DNAH14: variants seen among roughly 807,000 people sequenced by gnomAD.
DNAH14 encodes dynein axonemal heavy chain 14.
A neutral mutation model predicts 520.9 loss-of-function variants in DNAH14; 478 were observed. The observed-to-expected ratio is 0.92, with a 90% CI of 0.85 to 0.99. DNAH14 has a LOEUF of 0.99. Ranked by LOEUF, DNAH14 falls within the 50% of genes least tolerant of loss-of-function variation. DNAH14 has a pLI of 0.00. For synonymous variants in DNAH14, 1,581 were observed against 1,757.2 expected (o/e 0.90, Z 2.51); for missense variants, 4,831 against 5,234.5 (o/e 0.92, Z 2.38).
At chr1:224,995,017 G>A (rs533217912) in intron 8 of DNAH14, among the ~76,000 whole-genome samples, 6 of 152,108 alleles carry the variant, frequency 3.9e-5, no homozygotes, top group East Asian at 3.9e-4. Flanking sequence ...ATCCACTGAC[G>A]AATTATTTTA....
intron 43 of DNAH14, among the ~76,000 whole-genome samples, chr1:225,251,134 T>C (rs2092531734): frequency 6.6e-6 from 1 of 151,988 alleles, no homozygotes; most frequent in South Asian, 2.1e-4. Context: ...GATTATACAC[T>C]AAAATGGATG....
At chr1:225,310,698 T>C (rs1339511035) in intron 60 of DNAH14, among the ~76,000 whole-genome samples, 1 of 152,152 alleles carries the variant, frequency 6.6e-6, no homozygotes, top group Non-Finnish European at 1.5e-5. Context: ...ATATGCAGTG[T>C]TTGGTTTTCT....
intron 17 of DNAH14, 147 bp downstream of exon 17, chr1:225,051,942 A>G (rs1357442652): frequency 1.7e-6 from 1 of 597,316 alleles, no homozygotes; most frequent in African/African-American, 1.9e-5. Flanking sequence ...TAAATATTAT[A>G]CTCAGAAAAT....
chr1:225,249,683 A>G (rs1238527858), intron 43 of DNAH14, among the ~76,000 whole-genome samples: 1 of 152,230 alleles, frequency 6.6e-6, no homozygotes, highest in Admixed American at 6.5e-5. Context: ...TGGTGCAACC[A>G]TCACCATACA....
intron 8 of DNAH14, among the ~76,000 whole-genome samples, chr1:224,981,572 G>A (rs1353729185): frequency 5.3e-5 from 8 of 152,058 alleles, no homozygotes; most frequent in Non-Finnish European, 7.4e-5. Flanking sequence ...GTTTCTATGC[G>A]TAAAGGTATT....
intron 65 of DNAH14, among the ~76,000 whole-genome samples, chr1:225,332,409 T>C (rs1425485995): frequency 1.2e-4 from 19 of 152,034 alleles, no homozygotes; most frequent in Admixed American, 1.2e-3. Context: ...AACAGAGGGC[T>C]CTTGCTTAAC....
chr1:225,027,224 C>A (rs1352936929), intron 11 of DNAH14, among the ~76,000 whole-genome samples: 2 of 151,920 alleles, frequency 1.3e-5, no homozygotes, highest in Non-Finnish European at 2.9e-5. Context: ...ACTTCTTTAC[C>A]AATCTGATAC....
chr1:225,364,975 G>A (rs1410891488), intron 76 of DNAH14, 81 bp downstream of exon 76: 3 of 1,021,312 alleles, frequency 2.9e-6, no homozygotes, highest in Non-Finnish European at 4.2e-6. Flanking sequence ...AAAACTCTGA[G>A]TTTAAAAGAG....
chr1:225,105,583 A>T (rs991122783), intron 23 of DNAH14, among the ~76,000 whole-genome samples: 1 of 152,210 alleles, frequency 6.6e-6, no homozygotes, highest in Non-Finnish European at 1.5e-5. Flanking sequence ...TATTGGGTGC[A>T]TATATATTTA....
At chr1:224,979,341 C>G (rs1490316181) in intron 8 of DNAH14, among the ~76,000 whole-genome samples, 1 of 152,124 alleles carries the variant, frequency 6.6e-6, no homozygotes, top group African/African-American at 2.4e-5. Context: ...GAGTGCAGTG[C>G]TTGTGGGACT....
chr1:225,305,822 TA>T (rs2094229204), intron 58 of DNAH14, among the ~76,000 whole-genome samples: 1 of 152,194 alleles, frequency 6.6e-6, no homozygotes, highest in African/African-American at 2.4e-5. Flanking sequence ...AATTGTTTTT[TA>T]AAAATAGCCC....
chr1:225,100,842 A>G lies in DNAH14; in HGVS notation c.3825A>G (p.Gln1275=), dbSNP rs2075383305. 1.3e-6 allele frequency: 2 copies of G among 1,530,980 alleles called. No individual in the cohort carries two copies. The highest frequency in any genetic ancestry group is 1.3e-5 in the South Asian group (1 of 78,772). The allele number at this position is 1,530,980 out of a possible 1,614,324, so 94.8% of individuals were successfully genotyped here. A position where few individuals can be genotyped will look rare whatever the true frequency, so the allele number is the denominator to read the frequency against. Residue 1275 remains glutamine, a synonymous_variant, in exon 23 of 86, where the codon CAA becomes CAG. Transcript: ENST00000682510. ...TTSAGVLEIL[Q]NCNIHLEHIK... is the part of the protein sequence containing the mutation. The stretch of plus-strand genomic sequence containing the variant: ...CTGCAGGAGTCCTTGAAATTCTGCA[A>G]AATTGTAATATACATCTTGAACATA...
At chr1:225,140,369 G>T (rs1444290900) in intron 27 of DNAH14, among the ~76,000 whole-genome samples, 1 of 152,144 alleles carries the variant, frequency 6.6e-6, no homozygotes, top group Non-Finnish European at 1.5e-5. Flanking sequence ...AATAACAGAA[G>T]TCTGTAAACT....
intron 1 of DNAH14, among the ~76,000 whole-genome samples, chr1:224,930,985 T>C (rs1420274338): frequency 2.0e-5 from 3 of 152,198 alleles, no homozygotes; most frequent in Non-Finnish European, 4.4e-5. Context: ...GCTGGTCCTT[T>C]AGGAGATATT....
At chr1:225,223,554 G>A (rs2090254224) in intron 41 of DNAH14, among the ~76,000 whole-genome samples, 1 of 152,178 alleles carries the variant, frequency 6.6e-6, no homozygotes, top group African/African-American at 2.4e-5. Flanking sequence ...CTGGCAAATG[G>A]AGACTTTTGC....
In DNAH14 at chr1:225,043,276, GAAAAA is replaced by G. The variant is rs10671374; in HGVS notation, c.1768+179_1768+183del. Among the ~76,000 whole-genome samples the G allele has an allele frequency of 1.0e-3, 103 of 98,164 alleles. 1 individual carries two copies. The highest frequency in any genetic ancestry group is 3.7e-3 in the African/African-American group (99 of 26,442). 64.4% of individuals were successfully genotyped at this position (98,164 alleles called of 152,430 possible). On this transcript the variant is annotated intron_variant, in intron 13 of 85. Coordinates refer to ENST00000682510, the MANE Select transcript of DNAH14 (RefSeq NM_001367479.1). ...GAGACCTTGTCTCTTGTCTCTTGGG[GAAAAA>G]AAAAAAAAAAAAAAAAGAATGGAGG...
chr1:224,935,459 A>G (rs984851334), intron 1 of DNAH14, among the ~76,000 whole-genome samples: 1 of 151,930 alleles, frequency 6.6e-6, no homozygotes, highest in Non-Finnish European at 1.5e-5. Flanking sequence ...ACAGACTTTA[A>G]GTCAAGAATA....
intron 8 of DNAH14, among the ~76,000 whole-genome samples, chr1:224,988,209 T>C (rs1329992176): frequency 6.6e-6 from 1 of 152,202 alleles, no homozygotes; most frequent in Admixed American, 6.5e-5. Flanking sequence ...GCTCCATCCA[T>C]GTCCCTGCAA....
chr1:224,953,696 T>G (rs2060327861), intron 2 of DNAH14, among the ~76,000 whole-genome samples: 1 of 152,176 alleles, frequency 6.6e-6, no homozygotes, highest in Non-Finnish European at 1.5e-5. Context: ...TGAGTGGGCA[T>G]GTTCAATAAT....
Sources: allele counts gnomAD v4.1 joint callset (sites outside exome capture counted in the v4.1 genomes callset), GRCh38; gene constraint gnomAD v4.1.1; transcripts MANE v1.5; gene names NCBI Gene and HGNC (gene_info 2026-07-23, HGNC 2026-07-21).